MGAT3: variants seen among roughly 807,000 people sequenced by gnomAD.
MGAT3 encodes GlcNAc-T III.
A neutral mutation model predicts 29.8 loss-of-function variants in MGAT3; 9 were observed. The ratio of observed to expected loss-of-function variants is 0.30; its 90% CI spans 0.18 to 0.53. MGAT3 has a LOEUF of 0.53. Ranked by LOEUF, MGAT3 falls within the 20% of genes least tolerant of loss-of-function variation. The pLI, the probability that MGAT3 is intolerant of heterozygous loss-of-function variation, is 0.96. For missense variants in MGAT3, 557 were observed against 769.5 expected, an observed-to-expected ratio of 0.72 and a Z score of 3.27; for synonymous variants, 397 against 348.9, an observed-to-expected ratio of 1.14 and a Z score of -1.54.
chr22:39,466,485 C>G (rs58624510), intron 1 of MGAT3, among the ~76,000 whole-genome samples: 4,650 of 152,266 alleles, frequency 0.031, 219 homozygotes, highest in African/African-American at 0.1. Flanking sequence ...CTCTTTCTTC[C>G]CCCGCGTCCC....
intron 1 of MGAT3, among the ~76,000 whole-genome samples, chr22:39,467,534 GC>G (rs1241572022): frequency 2.6e-5 from 4 of 152,200 alleles, no homozygotes; most frequent in African/African-American, 7.2e-5. Context: ...CAGGAGCCCT[GC>G]TGCTGGGCAC....
In MGAT3 at chr22:39,490,557, C is replaced by A. The variant is rs532332349; in HGVS notation, c.*1608C>A. 2 of 167,298 alleles carry A rather than the reference C, an allele frequency of 1.2e-5. No individual in the cohort carries two copies. The highest frequency in any genetic ancestry group is 4.8e-5 in the African/African-American group (2 of 41,546). The allele number at this position is 167,298 out of a possible 1,614,324, so 10.4% of individuals were successfully genotyped here. On this transcript the variant is annotated 3_prime_UTR_variant, in exon 2 of 2. Coordinates refer to ENST00000341184, the MANE Select transcript of MGAT3 (RefSeq NM_002409.5). The stretch of plus-strand genomic sequence containing the variant: ...GTCAGAGTTTCCGGAACAGCTTGCT[C>A]CTGTTTCCCTCACTGTGCAGCCCAG...
chr22:39,457,080 G>A lies in MGAT3; in HGVS notation c.-479G>A, dbSNP rs1182379113. ...CGCGCGGGCGGCGCGGGGCGGCGGC[G>A]GCCGGAGTCTGCGGTGCGAGGCGCC... On this transcript the variant is annotated 5_prime_UTR_variant, in exon 1 of 2. Transcript: ENST00000341184. This position sits in a 1 kb window ranked among gnomAD's most constrained non-coding sequence, Gnocchi z 6.8. 6.7e-6 allele frequency among the ~76,000 whole-genome samples: 1 copy of A among 148,448 alleles called. No individual in the cohort carries two copies. Among genetic ancestry groups the A allele is most frequent in the Non-Finnish European group, 1.5e-5 (1 of 66,764 alleles).
In MGAT3 at chr22:39,457,523, TGCTGCCGCC is replaced by T. The variant is rs1928367318; in HGVS notation, c.-34_-26del. The T allele has an allele frequency of 2.0e-5, 3 of 150,002 alleles. No homozygotes were observed. The highest frequency in any genetic ancestry group is 1.3e-4 in the Admixed American group (2 of 15,030). 9.3% of individuals were successfully genotyped at this position (150,002 alleles called of 1,614,324 possible). On this transcript the variant is annotated 5_prime_UTR_variant, in exon 1 of 2. Transcript: ENST00000341184. The surrounding 1 kb of genome is among the most constrained non-coding windows in gnomAD (Gnocchi z 6.8). Reference sequence around the variant, plus strand: ...GGGGCCGCGGAGCCGCCGCCGCCGCTGCTGCCGCCGTTGCTGAGACCCAGCGGGCGATGG... The same window carrying T: ...GGGGCCGCGGAGCCGCCGCCGCCGCTGTTGCTGAGACCCAGCGGGCGATGG...
intron 1 of MGAT3, among the ~76,000 whole-genome samples, chr22:39,472,553 C>A (rs1928840422): frequency 6.6e-6 from 1 of 152,160 alleles, no homozygotes; most frequent in Admixed American, 6.5e-5. Flanking sequence ...GGCTCTCCAC[C>A]TGTAAAACCA....
intron 1 of MGAT3, among the ~76,000 whole-genome samples, chr22:39,468,521 C>T (rs965537181): frequency 6.6e-6 from 1 of 152,244 alleles, no homozygotes; most frequent in African/African-American, 2.4e-5. Context: ...CCACCGCTAT[C>T]CCATTGGAAG....
chr22:39,489,165 C>T lies in MGAT3; in HGVS notation c.*216C>T. On this transcript the variant is annotated 3_prime_UTR_variant, in exon 2 of 2. Coordinates refer to ENST00000341184, the MANE Select transcript of MGAT3 (RefSeq NM_002409.5). The stretch of plus-strand genomic sequence containing the variant: ...CCTCCTGTTGGGAGAGGGCGCAGGC[C>T]GTGACGTCTGGGTGGCCCTTATGAC... 3 of 703,936 alleles carry T rather than the reference C, an allele frequency of 4.3e-6. No individual in the cohort carries two copies. The highest frequency in any genetic ancestry group is 2.0e-5 in the South Asian group (1 of 50,722). 43.6% of individuals were successfully genotyped at this position (703,936 alleles called of 1,614,324 possible).
intron 1 of MGAT3, among the ~76,000 whole-genome samples, chr22:39,465,325 A>C (rs1041317608): frequency 6.6e-6 from 1 of 152,118 alleles, no homozygotes; most frequent in African/African-American, 2.4e-5. Flanking sequence ...CCCTCTGCAA[A>C]AATGGGTGGG....
chr22:39,463,085 G>A lies in MGAT3; in HGVS notation c.-2+5528G>A, dbSNP rs570750511. 2.6e-5 allele frequency among the ~76,000 whole-genome samples: 4 copies of A among 152,292 alleles called. No homozygotes were observed. The East Asian group carries it at 7.8e-4, about 30-fold the overall frequency. The stretch of plus-strand genomic sequence containing the variant: ...TCTGGGACTCTGGCTGGCAGGCCTG[G>A]TGGTGGATGGCTCCCATGGTTGTCC... On this transcript the variant is annotated intron_variant, in intron 1 of 1. Coordinates refer to ENST00000341184, the MANE Select transcript of MGAT3 (RefSeq NM_002409.5).
chr22:39,464,370 G>A (rs944048013), intron 1 of MGAT3, among the ~76,000 whole-genome samples: 4 of 152,216 alleles, frequency 2.6e-5, no homozygotes, highest in Non-Finnish European at 4.4e-5. Flanking sequence ...TTGGGCCCCC[G>A]GGCTGGCACC....
At chr22:39,478,635 TCAC>T (rs768118670) in intron 1 of MGAT3, among the ~76,000 whole-genome samples, 8 of 152,136 alleles carry the variant, frequency 5.3e-5, no homozygotes, top group Non-Finnish European at 1.2e-4. Context: ...GAGCCGCCCT[TCAC>T]CAAGCGACAG....
At chr22:39,467,954 T>C (rs1422505662) in intron 1 of MGAT3, among the ~76,000 whole-genome samples, 1 of 151,830 alleles carries the variant, frequency 6.6e-6, no homozygotes, top group Non-Finnish European at 1.5e-5. Flanking sequence ...CACCCTCACC[T>C]TGATGAGCAG....
chr22:39,486,065 T>C, intron 1 of MGAT3: 1 of 354,976 alleles, frequency 2.8e-6, no homozygotes, highest in Non-Finnish European at 5.4e-6. Flanking sequence ...TTAGACTTAG[T>C]GTCCAATATG....
chr22:39,463,495 T>G (rs887160259), intron 1 of MGAT3, among the ~76,000 whole-genome samples: 2 of 152,206 alleles, frequency 1.3e-5, no homozygotes, highest in African/African-American at 2.4e-5. Flanking sequence ...CTTCTGCCAC[T>G]GTCCTGGGCC....
chr22:39,468,721 G>C (rs1928724693), intron 1 of MGAT3, among the ~76,000 whole-genome samples: 1 of 150,240 alleles, frequency 6.7e-6, no homozygotes, highest in Admixed American at 6.6e-5. Flanking sequence ...ACAAACTCAG[G>C]GTGAGCACCT....
chr22:39,464,896 G>A (rs1489834344), intron 1 of MGAT3, among the ~76,000 whole-genome samples: 3 of 151,444 alleles, frequency 2.0e-5, no homozygotes, highest in South Asian at 2.1e-4. Flanking sequence ...GACTACAGGC[G>A]CCTGCCACCA....
At chr22:39,467,839 C>A (rs1224646291) in intron 1 of MGAT3, among the ~76,000 whole-genome samples, 2 of 147,330 alleles carry the variant, frequency 1.4e-5, no homozygotes, top group African/African-American at 5.0e-5. Context: ...AGAGGTAGAA[C>A]CTTCAGATGC....
intron 1 of MGAT3, among the ~76,000 whole-genome samples, chr22:39,482,103 A>G (rs1929144730): frequency 1.3e-5 from 2 of 151,404 alleles, no homozygotes; most frequent in Non-Finnish European, 1.5e-5. Flanking sequence ...ACAGGCACAT[A>G]GTAGTTCTGC....
intron 1 of MGAT3, among the ~76,000 whole-genome samples, chr22:39,466,350 G>A (rs929442614): frequency 6.6e-6 from 1 of 152,156 alleles, no homozygotes; most frequent in Non-Finnish European, 1.5e-5. Flanking sequence ...TGCGGCAGGA[G>A]GCCTGTGTTG....
Sources: allele counts gnomAD v4.1 joint callset (sites outside exome capture counted in the v4.1 genomes callset), GRCh38; gene constraint gnomAD v4.1.1; non-coding constraint Gnocchi (gnomAD v3.1); transcripts MANE v1.5; gene names NCBI Gene and HGNC (gene_info 2026-07-23, HGNC 2026-07-21).